RGS3: variants seen among roughly 807,000 people sequenced by gnomAD.
RGS3 encodes regulator of G-protein signalling 3.
RGS3 carries 80 observed loss-of-function variants against 132.6 expected under a neutral mutation model. The observed-to-expected ratio is 0.60, with a 90% CI of 0.50 to 0.73. The LOEUF (loss-of-function observed/expected upper bound fraction) is 0.73. Among genes scored for constraint, RGS3 ranks in the 30% least tolerant of loss-of-function variants. RGS3 has a pLI of 0.00. For missense variants in RGS3, 1,382 were observed against 1,530.8 expected (o/e 0.90, Z 1.62); for synonymous variants, 598 against 620.6 (o/e 0.96, Z 0.54).
In RGS3 at chr9:113,463,133, G is replaced by T. The variant is rs1468874044; in HGVS notation, c.415+932G>T. Among the ~76,000 whole-genome samples, 1 of 152,152 alleles carries T rather than the reference G, an allele frequency of 6.6e-6. No homozygotes were observed. On this transcript the variant is annotated intron_variant, in intron 3 of 24. Coordinates refer to ENST00000350696, the Ensembl canonical transcript of RGS3. This position sits in a 1 kb window ranked among gnomAD's most constrained non-coding sequence, Gnocchi z 4.6. ...GTCCGATGGCATCAGGCTGTGGGAC[G>T]GGGGGCCATCAGGTTGGTTGGAGCA...
At chr9:113,522,726 T>C in intron 16 of RGS3, 1 of 582,450 alleles carries the variant, frequency 1.7e-6, no homozygotes, top group Admixed American at 3.0e-5. Flanking sequence ...TATAGGAAGC[T>C]GGAGGGTGAT....
At chr9:113,581,033 G>T in intron 19 of RGS3, 1 of 921,562 alleles carries the variant, frequency 1.1e-6, no homozygotes, top group Non-Finnish European at 1.3e-6. Flanking sequence ...GGGGTGGGTC[G>T]GGGGGAGGTC....
intron 19 of RGS3, among the ~76,000 whole-genome samples, chr9:113,568,576 A>T (rs983858454): frequency 9.9e-5 from 15 of 152,186 alleles, no homozygotes; most frequent in Non-Finnish European, 1.5e-4. Flanking sequence ...GGCTTGGTGC[A>T]GCAGAGAAGC....
chr9:113,583,994 T>C, exon 20 of RGS3: 1 of 1,613,984 alleles, frequency 6.2e-7, no homozygotes, highest in African/African-American at 1.3e-5. Context: ...GAGGTCCGGC[T>C]GGATAGCACC....
At chr9:113,472,687 A>G (rs1365783305) in intron 3 of RGS3, among the ~76,000 whole-genome samples, 1 of 152,156 alleles carries the variant, frequency 6.6e-6, no homozygotes, top group East Asian at 1.9e-4. Context: ...AATGTTCTAA[A>G]ATTAGATAGA....
At chr9:113,494,692 G>A (rs1830629243) in intron 7 of RGS3, among the ~76,000 whole-genome samples, 1 of 152,132 alleles carries the variant, frequency 6.6e-6, no homozygotes, top group Non-Finnish European at 1.5e-5. Flanking sequence ...TCCCTTTGTT[G>A]TCCAGGCTGG....
intron 1 of RGS3, among the ~76,000 whole-genome samples, chr9:113,452,387 T>A (rs965212149): frequency 1.3e-5 from 2 of 152,126 alleles, no homozygotes; most frequent in African/African-American, 4.8e-5. Flanking sequence ...ATGTCATTCT[T>A]ATTTTTGCTC....
rs925802375 is a variant in RGS3, at chr9:113,507,082, G to A, written c.1086-205G>A. On this transcript the variant is annotated intron_variant, in intron 12 of 24. Transcript: ENST00000350696. This position sits in a 1 kb window ranked among gnomAD's most constrained non-coding sequence, Gnocchi z 5.0. ...TCAGGGTCCTTCTCAACCACTGCCC[G>A]TCAATAGGAATTGACCTAGGTGACC... Among the ~76,000 whole-genome samples the A allele has an allele frequency of 3.9e-5, 6 of 152,154 alleles. No homozygotes were observed. In the South Asian group the frequency reaches 1.0e-3, roughly 26 times the overall value.
intron 3 of RGS3, among the ~76,000 whole-genome samples, chr9:113,469,507 GTTC>G (rs1829758893): frequency 6.6e-6 from 1 of 151,934 alleles, no homozygotes; most frequent in Admixed American, 6.6e-5. Context: ...TGCTTTGTGT[GTTC>G]TTCTTAAACA....
At chr9:113,488,149 T>C (rs1025711261) in intron 7 of RGS3, among the ~76,000 whole-genome samples, 4 of 152,196 alleles carry the variant, frequency 2.6e-5, no homozygotes, top group African/African-American at 9.7e-5. Context: ...TTTAGGAGAT[T>C]AAATCAGTAG....
chr9:113,547,356 C>A (rs1342796857), intron 19 of RGS3, among the ~76,000 whole-genome samples: 1 of 152,118 alleles, frequency 6.6e-6, no homozygotes. Context: ...GAAAGGGGTC[C>A]TCATCACAGA....
chr9:113,523,254 A>G lies in RGS3; in HGVS notation c.1870+213A>G, dbSNP rs143265038. 1.4e-3 allele frequency among the ~76,000 whole-genome samples: 217 copies of G among 152,172 alleles called. 1 individual carries two copies. The highest frequency in any genetic ancestry group is 6.8e-3 in the Middle Eastern group (2 of 292). On this transcript the variant is annotated intron_variant, in intron 17 of 24. Coordinates refer to ENST00000350696, the Ensembl canonical transcript of RGS3. ...ACCTGAGGTTTTCAGGGAAGTTTCT[A>G]TTCTAGAGACTTTCCAGAGAGGCTG...
Position 113,591,131 on chromosome 9 carries a change from GGA to G in RGS3, c.3016-198_3016-197del, listed in dbSNP as rs1454602823. On this transcript the variant is annotated intron_variant, in intron 20 of 24. Coordinates refer to ENST00000350696, the Ensembl canonical transcript of RGS3. The surrounding 1 kb of genome is among the most constrained non-coding windows in gnomAD (Gnocchi z 4.4). The stretch of plus-strand genomic sequence containing the variant: ...GTCCCAGGAGGAGATCCCTGTGGCC[GGA>G]GAGTCTGCCAGGCCGATTCCACTTC... Among the ~76,000 whole-genome samples the G allele has an allele frequency of 3.9e-5, 6 of 152,186 alleles. No individual in the cohort carries two copies. The highest frequency in any genetic ancestry group is 7.3e-5 in the Non-Finnish European group (5 of 68,038).
chr9:113,595,905 C>G, intron 24 of RGS3, 140 bp downstream of exon 22: 1 of 905,238 alleles, frequency 1.1e-6, no homozygotes, highest in Non-Finnish European at 1.7e-6. Context: ...AGGGAAGATG[C>G]AAGCTAGGAT....
intron 7 of RGS3, among the ~76,000 whole-genome samples, chr9:113,494,572 G>T (rs1411515088): frequency 6.6e-6 from 1 of 152,186 alleles, no homozygotes; most frequent in Non-Finnish European, 1.5e-5. Flanking sequence ...CTGCAGCTTT[G>T]ACCTCCCAGG....
intron 7 of RGS3, among the ~76,000 whole-genome samples, chr9:113,487,377 C>T (rs1345138636): frequency 1.3e-5 from 2 of 152,098 alleles, no homozygotes; most frequent in African/African-American, 4.8e-5. Context: ...TCCCAAAGTG[C>T]TGGGATTACA....
intron 23 of RGS3, 164 bp downstream of exon 21, chr9:113,595,144 G>A: frequency 1.5e-6 from 1 of 668,280 alleles, no homozygotes. Context: ...GAGGCCCTTG[G>A]TCTGGCCTTG....
chr9:113,449,512 T>G (rs1588124129), intron 1 of RGS3, among the ~76,000 whole-genome samples: 1 of 152,182 alleles, frequency 6.6e-6, no homozygotes, highest in African/African-American at 2.4e-5. Context: ...ACAAAGAAGA[T>G]GCACTGCAAC....
At chr9:113,576,488 C>T (rs183008185) in intron 19 of RGS3, among the ~76,000 whole-genome samples, 162 of 151,936 alleles carry the variant, frequency 1.1e-3, no homozygotes, top group South Asian at 3.6e-3. Flanking sequence ...CCCACCACCA[C>T]GTCCAGCTAA....
Sources: allele counts gnomAD v4.1 joint callset (sites outside exome capture counted in the v4.1 genomes callset), GRCh38; gene constraint gnomAD v4.1.1; non-coding constraint Gnocchi (gnomAD v3.1); transcripts MANE v1.5; gene names NCBI Gene and HGNC (gene_info 2026-07-23, HGNC 2026-07-21).